The following CLTCL1 variants were observed in gnomAD, a reference collection of about 807,000 sequenced individuals.
CLTCL1 encodes the protein clathrin heavy chain 2.
In CLTCL1, 159 loss-of-function variants were observed where a neutral mutation model predicts 190.0. The observed-to-expected ratio is 0.84, with a 90% confidence interval of 0.74 to 0.95. The LOEUF is 0.95. Ranked by LOEUF, CLTCL1 falls within the 40% of genes least tolerant of loss-of-function variation. The pLI is 0.00. For missense variants in CLTCL1, 1,878 were observed against 2,033.4 expected, an observed-to-expected ratio of 0.92 and a Z score of 1.47; for synonymous variants, 752 against 769.6, an observed-to-expected ratio of 0.98 and a Z score of 0.38.
chr22:19,207,802 G>C, intron 22 of CLTCL1: 1 of 598,180 alleles, frequency 1.7e-6, no homozygotes, highest in Non-Finnish European at 3.0e-6. Context: ...GATCTGTGTT[G>C]CATGCTTCTT....
chr22:19,278,778 G>C (rs966603371), intron 1 of CLTCL1, among the ~76,000 whole-genome samples: 1 of 152,184 alleles, frequency 6.6e-6, no homozygotes, highest in African/African-American at 2.4e-5. Context: ...GTCTAGCCCT[G>C]TCCCCCAGGC....
chr22:19,242,916 T>C lies in CLTCL1; in HGVS notation c.540A>G (p.Ala180=), dbSNP rs2086300558. Residue 180 remains alanine, a synonymous_variant, in exon 4 of 33, where the codon GCA becomes GCG. Transcript: ENST00000427926. ...ISAQQNRVVG[A]MQLYSVDRKV... ...TCCTATCCACAGAGTAGAGCTGCAT[T>C]GCTCCAACCACACGGTTTTGCTAAG... 6 of 1,613,812 alleles carry C rather than the reference T, an allele frequency of 3.7e-6. No homozygotes were observed. In the East Asian group the frequency reaches 1.3e-4, roughly 36 times the overall value.
chr22:19,228,802 T>C (rs1046651032), intron 11 of CLTCL1, among the ~76,000 whole-genome samples: 1 of 152,180 alleles, frequency 6.6e-6, no homozygotes, highest in African/African-American at 2.4e-5. Context: ...TAACCCAAAA[T>C]AGCACAGACA....
At chr22:19,282,043 A>G (rs1388628131) in intron 1 of CLTCL1, among the ~76,000 whole-genome samples, 1 of 152,166 alleles carries the variant, frequency 6.6e-6, no homozygotes, top group Non-Finnish European at 1.5e-5. Context: ...GAAATGGGAA[A>G]GGGGCGGCCG....
chr22:19,224,230 G>A (rs557682813), intron 13 of CLTCL1, among the ~76,000 whole-genome samples, 176 bp from the exon 14 acceptor site: 16 of 152,046 alleles, frequency 1.1e-4, no homozygotes, highest in African/African-American at 2.4e-4. Context: ...ATAGCTAGTC[G>A]GATTTCCATT....
At chr22:19,185,750 A>G (rs1411326817) in intron 29 of CLTCL1, among the ~76,000 whole-genome samples, 1 of 152,234 alleles carries the variant, frequency 6.6e-6, no homozygotes, top group African/African-American at 2.4e-5. Context: ...CTGCTCACTC[A>G]TCACTGCCTG....
At chr22:19,246,093 T>C (rs1466852212) in intron 3 of CLTCL1, among the ~76,000 whole-genome samples, 1 of 152,200 alleles carries the variant, frequency 6.6e-6, no homozygotes, top group African/African-American at 2.4e-5. Context: ...GGAGTCTCCC[T>C]CTGTCATTTA....
At chr22:19,236,477 T>C (rs797041701) in intron 5 of CLTCL1, among the ~76,000 whole-genome samples, 5 of 152,280 alleles carry the variant, frequency 3.3e-5, no homozygotes, top group African/African-American at 1.2e-4. Flanking sequence ...GAAAAATATT[T>C]AACACACAAG....
chr22:19,180,163 C>T (rs2084081501), intron 32 of CLTCL1, 36 bp downstream of exon 32: 2 of 1,596,868 alleles, frequency 1.3e-6, no homozygotes, highest in Admixed American at 1.7e-5. Flanking sequence ...CCTGGCCTGG[C>T]TAGAGGATAA....
At chr22:19,257,557 A>C (rs1369814985) in intron 2 of CLTCL1, 2 of 374,824 alleles carry the variant, frequency 5.3e-6, no homozygotes, top group Non-Finnish European at 1.0e-5. Flanking sequence ...TTCTCTACTA[A>C]CTACCAGTCC....
rs1675631676 is a variant in CLTCL1 at position 19,256,215 on chromosome 22, T to C, written c.251-1988A>G. Reference sequence around the variant, plus strand: ...CTTTGTCACCCAGGCTGGAGTACAGTGGAGCAATCATAGCTCATTGCAACC... The same window carrying C: ...CTTTGTCACCCAGGCTGGAGTACAGCGGAGCAATCATAGCTCATTGCAACC... On this transcript the variant is annotated intron_variant, in intron 2 of 32. Transcript: ENST00000427926. 2.6e-5 allele frequency among the ~76,000 whole-genome samples: 4 copies of C among 152,172 alleles called. No homozygotes were observed. The South Asian group carries it at 6.2e-4, about 24-fold the overall frequency.
intron 2 of CLTCL1, among the ~76,000 whole-genome samples, chr22:19,274,542 A>G (rs1209794699): frequency 1.3e-5 from 2 of 152,168 alleles, no homozygotes; most frequent in African/African-American, 4.8e-5. Flanking sequence ...TAGAACAAAG[A>G]TCCTTTCAAA....
chr22:19,240,524 T>C (rs1304506355), intron 4 of CLTCL1, among the ~76,000 whole-genome samples: 1 of 152,094 alleles, frequency 6.6e-6, no homozygotes, highest in African/African-American at 2.4e-5. Flanking sequence ...GGCAAGCATG[T>C]GGGTGCTCCT....
intron 22 of CLTCL1, among the ~76,000 whole-genome samples, chr22:19,203,113 G>C (rs1451887550): frequency 2.0e-5 from 3 of 152,168 alleles, no homozygotes; most frequent in Admixed American, 6.5e-5. Context: ...TCAGGAGTTT[G>C]AGACCAGCCT....
chr22:19,220,236 G>A (rs2085525654), intron 17 of CLTCL1, among the ~76,000 whole-genome samples: 1 of 152,152 alleles, frequency 6.6e-6, no homozygotes, highest in Non-Finnish European at 1.5e-5. Context: ...TCCCAGGGAT[G>A]TGCCACATAT....
At chr22:19,252,377 C>T (rs544669502) in intron 3 of CLTCL1, among the ~76,000 whole-genome samples, 3 of 152,288 alleles carry the variant, frequency 2.0e-5, no homozygotes, top group South Asian at 2.1e-4. Context: ...TAGGTATCAT[C>T]CACGGTGGGT....
chr22:19,279,246 C>G (rs1428871012), intron 1 of CLTCL1, among the ~76,000 whole-genome samples: 1 of 152,154 alleles, frequency 6.6e-6, no homozygotes, highest in Non-Finnish European at 1.5e-5. Flanking sequence ...AGCAATTCTC[C>G]TGCCTCACCC....
intron 2 of CLTCL1, among the ~76,000 whole-genome samples, chr22:19,275,330 G>A (rs1469347388): frequency 2.6e-5 from 4 of 151,850 alleles, no homozygotes; most frequent in Non-Finnish European, 5.9e-5. Flanking sequence ...CAGCCTTCCT[G>A]GGAAACATGC....
At chr22:19,206,601 T>A (rs1555942848) in intron 22 of CLTCL1, among the ~76,000 whole-genome samples, 1 of 151,646 alleles carries the variant, frequency 6.6e-6, no homozygotes. Context: ...TTTGTTATTT[T>A]TTTTCTTTTT....
Sources: allele counts gnomAD v4.1 joint callset (sites outside exome capture counted in the v4.1 genomes callset), GRCh38; gene constraint gnomAD v4.1.1; transcripts MANE v1.5; gene names NCBI Gene and HGNC (gene_info 2026-07-23, HGNC 2026-07-21).